The following ZNF316 variants were observed in gnomAD, a reference collection of about 807,000 sequenced individuals.
ZNF316 encodes zinc finger protein 316.
In ZNF316, 23 loss-of-function variants were observed where a neutral mutation model predicts 75.6. That is an observed-to-expected ratio of 0.30 (90% CI 0.22 to 0.43). The LOEUF is 0.43. ZNF316 is among the 20% of genes least tolerant of loss of function. The pLI, the probability that ZNF316 is intolerant of heterozygous loss-of-function variation, is 1.00. For missense variants in ZNF316, 1,266 were observed against 1,409.4 expected, an observed-to-expected ratio of 0.90 and a Z score of 1.63; for synonymous variants, 827 against 666.2, an observed-to-expected ratio of 1.24 and a Z score of -3.72.
chr7:6,654,029 C>A lies in ZNF316; in HGVS notation c.2433C>A (p.Arg811=). ...ACGCGTGTGGAGAGTGCGGCCGGCG[C>A]TTCGGGCAGAGCGCGGCGCTGACGC... ...RPYACGECGR[R]FGQSAALTRH... The change falls in exon 9 of 9, where the codon CGC becomes CGA. Residue 811 remains arginine (R), a synonymous_variant. Transcript: ENST00000382252. 8.4e-7 allele frequency: 1 copy of A among 1,196,148 alleles called. No individual in the cohort carries two copies. Among genetic ancestry groups the A allele is most frequent in the Non-Finnish European group, 1.0e-6 (1 of 965,312 alleles). The allele number at this position is 1,196,148 out of a possible 1,614,324, so 74.1% of individuals were successfully genotyped here.
At chr7:6,649,909 C>T (rs549669412) in intron 8 of ZNF316, among the ~76,000 whole-genome samples, 24 of 152,308 alleles carry the variant, frequency 1.6e-4, no homozygotes, top group African/African-American at 5.5e-4. Flanking sequence ...CGATCAGGAT[C>T]AAGGGAGAGG....
rs560452714 is a variant in ZNF316 at position 6,653,534 on chromosome 7, C to G, written c.1938C>G (p.Thr646=). ...LGGPLSLVEG[T]GLACDPFGGG... is the part of the protein sequence containing the mutation. ...GCCCGCTCTCCCTGGTGGAGGGTAC[C>G]GGGCTGGCGTGCGACCCTTTCGGCG... The change falls in exon 9 of 9, where the codon ACC becomes ACG. Residue 646 remains threonine (T), a synonymous_variant. Transcript: ENST00000382252. The G allele has an allele frequency of 9.3e-4, 1,130 of 1,213,812 alleles. 11 individuals are homozygous for G. The African/African-American group carries it at 0.017, about 18-fold the overall frequency. 75.2% of individuals were successfully genotyped at this position (1,213,812 alleles called of 1,614,324 possible). A position where few individuals can be genotyped will look rare whatever the true frequency, so the allele number is the denominator to read the frequency against.
chr7:6,643,229 C>T (rs1042553146), intron 6 of ZNF316, among the ~76,000 whole-genome samples, 156 bp downstream of exon 6: 1 of 152,214 alleles, frequency 6.6e-6, no homozygotes, highest in African/African-American at 2.4e-5. Flanking sequence ...CCACAGGAAG[C>T]GGCTGGGTGT....
At position 6,653,162 on chromosome 7, in the gene ZNF316, C is replaced by T. The variant is rs1055482116; in HGVS notation, c.1566C>T (p.Gly522=). The change falls in exon 9 of 9, where the codon GGC becomes GGT. Residue 522 remains glycine, a synonymous_variant. Transcript: ENST00000382252. ...AGGDGPRREP[G]ETAAAAGPED... ...GTGACGGCCCCCGGCGGGAGCCCGG[C>T]GAGACGGCGGCCGCCGCGGGGCCCG... is the stretch of plus-strand genomic sequence containing the variant. 4 of 1,192,958 alleles carry T rather than the reference C, an allele frequency of 3.4e-6. No individual in the cohort carries two copies. Among genetic ancestry groups the T allele is most frequent in the South Asian group, 4.2e-5 (1 of 24,082 alleles). The allele number at this position is 1,192,958 out of a possible 1,614,324, so 73.9% of individuals were successfully genotyped here.
rs1284697646 is a variant in ZNF316, at chr7:6,654,756, G to A, written c.*145G>A. 7 of 689,492 alleles carry A rather than the reference G, an allele frequency of 1.0e-5. No individual in the cohort carries two copies. Among genetic ancestry groups the A allele is most frequent in the African/African-American group, 7.8e-5 (4 of 51,572 alleles). 42.7% of individuals were successfully genotyped at this position (689,492 alleles called of 1,614,324 possible). The stretch of plus-strand genomic sequence containing the variant: ...CCCTCAGCCCTCGCCCTGCGGCCCC[G>A]GGTCTCATGCCCGCCGGGTCCGTGT... On this transcript the variant is annotated 3_prime_UTR_variant, in exon 9 of 9. Transcript: ENST00000382252.
In ZNF316 at chr7:6,640,695, T is replaced by A. The variant is rs1314705518; in HGVS notation, c.-166-1130T>A. On this transcript the variant is annotated intron_variant, in intron 3 of 8. Transcript: ENST00000382252. This position sits in a 1 kb window ranked among gnomAD's most constrained non-coding sequence, Gnocchi z 5.1. ...TGATTTCCAGTGCTGGAGGCGGGCC[T>A]GCTGGGAGGTGATTTCCAGTGTTGG... Among the ~76,000 whole-genome samples, 3 of 152,162 alleles carry A rather than the reference T, an allele frequency of 2.0e-5. No homozygotes were observed. Among genetic ancestry groups the A allele is most frequent in the African/African-American group, 7.2e-5 (3 of 41,444 alleles).
At chr7:6,638,711 G>T (rs1468311832) in intron 2 of ZNF316, among the ~76,000 whole-genome samples, 7 of 152,166 alleles carry the variant, frequency 4.6e-5, no homozygotes, top group African/African-American at 1.7e-4. Context: ...GAGGCGGGTG[G>T]ATCACCTGAG....
At position 6,639,403 on chromosome 7, in the gene ZNF316, A is replaced by G. The variant is rs531223826; in HGVS notation, c.-167+262A>G. ...GGGAGAGAGATGATAAGACAGTCTCATAAGTGTATTTTTAAGATGTGGTGA... is the reference window on the plus strand; with the variant it reads ...GGGAGAGAGATGATAAGACAGTCTCGTAAGTGTATTTTTAAGATGTGGTGA... On this transcript the variant is annotated intron_variant, in intron 3 of 8. Transcript: ENST00000382252. This position sits in a 1 kb window ranked among gnomAD's most constrained non-coding sequence, Gnocchi z 4.2. 2.8e-4 allele frequency among the ~76,000 whole-genome samples: 42 copies of G among 152,310 alleles called. No individual in the cohort carries two copies. The highest frequency in any genetic ancestry group is 2.5e-3 in the Admixed American group (38 of 15,296).
chr7:6,639,813 T>G lies in ZNF316; in HGVS notation c.-167+672T>G, dbSNP rs968374842. On this transcript the variant is annotated intron_variant, in intron 3 of 8. Coordinates refer to ENST00000382252, the MANE Select transcript of ZNF316 (RefSeq NM_001278559.2). The surrounding 1 kb of genome is among the most constrained non-coding windows in gnomAD (Gnocchi z 4.2). Reference sequence around the variant, plus strand: ...CCGTTGCTGCGTGTACCCAGCGCCCTGAGTGCTGGGCAGGGCCGTGTCCTC... The same window carrying G: ...CCGTTGCTGCGTGTACCCAGCGCCCGGAGTGCTGGGCAGGGCCGTGTCCTC... Among the ~76,000 whole-genome samples the G allele has an allele frequency of 6.6e-6, 1 of 152,190 alleles. No individual in the cohort carries two copies. The highest frequency in any genetic ancestry group is 1.9e-4 in the East Asian group (1 of 5,192).
chr7:6,643,488 G>A (rs1157573769), intron 6 of ZNF316, among the ~76,000 whole-genome samples: 1 of 152,214 alleles, frequency 6.6e-6, no homozygotes, highest in Non-Finnish European at 1.5e-5. Flanking sequence ...TCGGGTGTGG[G>A]CCCTCCATGG....
Position 6,644,469 on chromosome 7 carries a change from T to C in ZNF316, c.593-11T>C. On this transcript the variant is annotated splice_polypyrimidine_tract_variant and intron_variant, in intron 7 of 8. Transcript: ENST00000382252. Reference sequence around the variant, plus strand: ...GGAGCCGCCTGCAGCCGCCGTCTGTTCTCCTGGCAGGATACCCAATTCCCA... The same window carrying C: ...GGAGCCGCCTGCAGCCGCCGTCTGTCCTCCTGGCAGGATACCCAATTCCCA... 1 of 1,230,820 alleles carries C rather than the reference T, an allele frequency of 8.1e-7. No homozygotes were observed. The highest frequency in any genetic ancestry group is 1.0e-6 in the Non-Finnish European group (1 of 986,782). The allele number at this position is 1,230,820 out of a possible 1,614,324, so 76.2% of individuals were successfully genotyped here. A position where few individuals can be genotyped will look rare whatever the true frequency, so the allele number is the denominator to read the frequency against.
rs1055482116 is a variant in ZNF316 at position 6,653,162 on chromosome 7, C to A, written c.1566C>A (p.Gly522=). The A allele has an allele frequency of 4.7e-5, 56 of 1,193,066 alleles. No homozygotes were observed. Among genetic ancestry groups the A allele is most frequent in the Non-Finnish European group, 5.6e-5 (54 of 963,446 alleles). The allele number at this position is 1,193,066 out of a possible 1,614,324, so 73.9% of individuals were successfully genotyped here. A position where few individuals can be genotyped will look rare whatever the true frequency, so the allele number is the denominator to read the frequency against. ...AGGDGPRREP[G]ETAAAAGPED... ...GTGACGGCCCCCGGCGGGAGCCCGG[C>A]GAGACGGCGGCCGCCGCGGGGCCCG... The change falls in exon 9 of 9, where the codon GGC becomes GGA. Residue 522 remains glycine (G), a synonymous_variant. Transcript: ENST00000382252.
intron 3 of ZNF316, among the ~76,000 whole-genome samples, chr7:6,641,307 G>T (rs1323193435): frequency 6.6e-6 from 1 of 152,188 alleles, no homozygotes; most frequent in African/African-American, 2.4e-5. Flanking sequence ...TTCTGGGCTT[G>T]GCTTGCTTTG....
chr7:6,654,698 G>T lies in ZNF316; in HGVS notation c.*87G>T. 1 of 1,088,890 alleles carries T rather than the reference G, an allele frequency of 9.2e-7. No homozygotes were observed. Among genetic ancestry groups the T allele is most frequent in the Non-Finnish European group, 1.1e-6 (1 of 885,952 alleles). The allele number at this position is 1,088,890 out of a possible 1,614,324, so 67.5% of individuals were successfully genotyped here. On this transcript the variant is annotated 3_prime_UTR_variant, in exon 9 of 9. Coordinates refer to ENST00000382252, the MANE Select transcript of ZNF316 (RefSeq NM_001278559.2). ...GCCCCCCGCTCCTCGGGCCCCGGGA[G>T]GCTGAGGGTCCCAGTCCTGGGTGCG... is the stretch of plus-strand genomic sequence containing the variant.
rs1417824522 is a variant in ZNF316 at position 6,639,766 on chromosome 7, C to CT, written c.-167+625_-167+626insT. ...AAGAGAAAAGCCCTCCTCTGGGCCT[C>CT]AAGTGGGTGGCAGTTGGGAAACCGT... is the stretch of plus-strand genomic sequence containing the variant. On this transcript the variant is annotated intron_variant, in intron 3 of 8. Transcript: ENST00000382252. This position sits in a 1 kb window ranked among gnomAD's most constrained non-coding sequence, Gnocchi z 4.2. Among the ~76,000 whole-genome samples the CT allele has an allele frequency of 6.6e-6, 1 of 152,180 alleles. No homozygotes were observed. The highest frequency in any genetic ancestry group is 1.5e-5 in the Non-Finnish European group (1 of 68,026).
chr7:6,645,047 G>T (rs1779375492), intron 8 of ZNF316, among the ~76,000 whole-genome samples: 1 of 152,254 alleles, frequency 6.6e-6, no homozygotes, highest in Non-Finnish European at 1.5e-5. Context: ...CTCTGACCGG[G>T]ATGGGCAGGT....
Position 6,643,956 on chromosome 7 carries a change from C to T in ZNF316, c.592+8C>T, listed in dbSNP as rs762269673. ...GGATTCTCGTGTCCTTGGGTAAGGACGGGACCTTTTGTCCCCAAGAGGCAG... is the reference window on the plus strand; with the variant it reads ...GGATTCTCGTGTCCTTGGGTAAGGATGGGACCTTTTGTCCCCAAGAGGCAG... On this transcript the variant is annotated splice_region_variant and intron_variant, in intron 7 of 8. Coordinates refer to ENST00000382252, the MANE Select transcript of ZNF316 (RefSeq NM_001278559.2). 52 of 1,232,334 alleles carry T rather than the reference C, an allele frequency of 4.2e-5. No individual in the cohort carries two copies. Among genetic ancestry groups the T allele is most frequent in the East Asian group, 1.3e-4 (4 of 31,700 alleles). 76.3% of individuals were successfully genotyped at this position (1,232,334 alleles called of 1,614,324 possible). A position where few individuals can be genotyped will look rare whatever the true frequency, so the allele number is the denominator to read the frequency against.
intron 7 of ZNF316, 109 bp downstream of exon 7, chr7:6,644,057 A>T: frequency 1.7e-6 from 2 of 1,153,660 alleles, no homozygotes; most frequent in Non-Finnish European, 1.1e-6. Flanking sequence ...CCAAAGGTGG[A>T]TGCTGGGCCC....
rs1779320718 is a variant in ZNF316 at position 6,642,130 on chromosome 7, G to A, written c.-29+168G>A. The A allele has an allele frequency of 2.0e-5, 7 of 342,888 alleles. No homozygotes were observed. The highest frequency in any genetic ancestry group is 4.8e-5 in the Admixed American group (1 of 20,662). 21.2% of individuals were successfully genotyped at this position (342,888 alleles called of 1,614,324 possible). Reference sequence around the variant, plus strand: ...CCAGGCACGTAGTTCTTGGTGAAAAGGAGCTGAGACTGGCATCCCAGGGGT... The same window carrying A: ...CCAGGCACGTAGTTCTTGGTGAAAAAGAGCTGAGACTGGCATCCCAGGGGT... On this transcript the variant is annotated intron_variant, in intron 4 of 8. Transcript: ENST00000382252. The surrounding 1 kb of genome is among the most constrained non-coding windows in gnomAD (Gnocchi z 8.1).
Sources: allele counts gnomAD v4.1 joint callset (sites outside exome capture counted in the v4.1 genomes callset), GRCh38; gene constraint gnomAD v4.1.1; non-coding constraint Gnocchi (gnomAD v3.1); transcripts MANE v1.5; gene names NCBI Gene and HGNC (gene_info 2026-07-23, HGNC 2026-07-21).